GRB14: variants seen among roughly 807,000 people sequenced by gnomAD.
GRB14 encodes the protein growth factor receptor-bound protein 14.
A neutral mutation model predicts 69.1 loss-of-function variants in GRB14; 38 were observed. The observed-to-expected ratio is 0.55, with a 90% CI of 0.42 to 0.72. The LOEUF is 0.72. Ranked by LOEUF, GRB14 falls within the 30% of genes least tolerant of loss-of-function variation. GRB14 has a pLI of 0.00. For synonymous variants in GRB14, 247 were observed against 241.3 expected (o/e 1.02, Z -0.22); for missense variants, 666 against 666.1 (o/e 1.00, Z 0.00).
At chr2:164,509,038 A>G (rs1453380808) in intron 6 of GRB14, among the ~76,000 whole-genome samples, 186 bp from the exon 7 acceptor site, 3 of 152,034 alleles carry the variant, frequency 2.0e-5, no homozygotes, top group Non-Finnish European at 2.9e-5. Context: ...GCTGGATACA[A>G]TTTTATTTAA....
At chr2:164,589,964 G>A (rs1442330347) in intron 2 of GRB14, among the ~76,000 whole-genome samples, 1 of 152,074 alleles carries the variant, frequency 6.6e-6, no homozygotes, top group African/African-American at 2.4e-5. Flanking sequence ...TCTTTACATG[G>A]TGAATGAGAG....
chr2:164,601,359 G>T (rs377059962), intron 2 of GRB14, among the ~76,000 whole-genome samples: 2 of 152,188 alleles, frequency 1.3e-5, no homozygotes, highest in East Asian at 3.9e-4. Flanking sequence ...GGTAGAGGGA[G>T]ATCAGAACAT....
chr2:164,523,044 GAGAC>G (rs760793693), intron 5 of GRB14, among the ~76,000 whole-genome samples: 1 of 152,086 alleles, frequency 6.6e-6, no homozygotes, highest in Non-Finnish European at 1.5e-5. Flanking sequence ...GAGACACCAT[GAGAC>G]AGACAGAGAG....
At chr2:164,566,995 C>G (rs2105327229) in intron 2 of GRB14, among the ~76,000 whole-genome samples, 1 of 152,178 alleles carries the variant, frequency 6.6e-6, no homozygotes, top group Non-Finnish European at 1.5e-5. Context: ...CTTAGTCAAT[C>G]TAAACTGCAA....
At chr2:164,529,560 A>C (rs1687868823) in intron 3 of GRB14, among the ~76,000 whole-genome samples, 1 of 152,136 alleles carries the variant, frequency 6.6e-6, no homozygotes, top group Non-Finnish European at 1.5e-5. Flanking sequence ...TCACCTTTGC[A>C]ACTTTCTCTA....
intron 3 of GRB14, among the ~76,000 whole-genome samples, chr2:164,529,010 A>G (rs1352973967): frequency 6.6e-6 from 1 of 152,198 alleles, no homozygotes; most frequent in Non-Finnish European, 1.5e-5. Context: ...CCTAATGTCC[A>G]TGTCCATGAA....
intron 2 of GRB14, among the ~76,000 whole-genome samples, chr2:164,618,714 C>T (rs1690368830): frequency 6.6e-6 from 1 of 152,082 alleles, no homozygotes; most frequent in Non-Finnish European, 1.5e-5. Flanking sequence ...AAGGTATTTC[C>T]TCCATTCCTA....
intron 3 of GRB14, chr2:164,539,693 T>C (rs1005353887): frequency 6.6e-6 from 1 of 152,194 alleles, no homozygotes; most frequent in Non-Finnish European, 1.5e-5. Context: ...AAGCTTATCT[T>C]GGTCACTAAA....
At chr2:164,526,166 A>G (rs1277564292) in intron 4 of GRB14, among the ~76,000 whole-genome samples, 1 of 152,122 alleles carries the variant, frequency 6.6e-6, no homozygotes, top group Non-Finnish European at 1.5e-5. Flanking sequence ...TTCTATTAAT[A>G]GGTTAAGATA....
At chr2:164,605,950 C>T (rs183885001) in intron 2 of GRB14, among the ~76,000 whole-genome samples, 1 of 152,242 alleles carries the variant, frequency 6.6e-6, no homozygotes. Flanking sequence ...ACCAGAGATA[C>T]CCAACATGCA....
At chr2:164,544,628 G>A (rs781548639) in intron 3 of GRB14, among the ~76,000 whole-genome samples, 1 of 152,186 alleles carries the variant, frequency 6.6e-6, no homozygotes. Flanking sequence ...CCTAGAAGAT[G>A]AGGCAACAAG....
chr2:164,526,928 T>C, intron 4 of GRB14, 86 bp downstream of exon 4: 1 of 888,944 alleles, frequency 1.1e-6, no homozygotes, highest in Non-Finnish European at 1.7e-6. Context: ...AATAGGACTG[T>C]ATTTTATTTA....
chr2:164,588,687 ACCT>A (rs1385744571), intron 2 of GRB14, among the ~76,000 whole-genome samples: 1 of 152,040 alleles, frequency 6.6e-6, no homozygotes, highest in East Asian at 1.9e-4. Flanking sequence ...ATTCAGGTAG[ACCT>A]CCTTATGTTG....
intron 2 of GRB14, among the ~76,000 whole-genome samples, chr2:164,608,373 A>G (rs907894134): frequency 1.3e-5 from 2 of 152,158 alleles, no homozygotes; most frequent in Admixed American, 1.3e-4. Flanking sequence ...TCCCTCTAAA[A>G]AAAAAGCAAA....
At chr2:164,565,047 A>G (rs183862368) in intron 2 of GRB14, among the ~76,000 whole-genome samples, 392 of 152,230 alleles carry the variant, frequency 2.6e-3, no homozygotes, top group Non-Finnish European at 4.5e-3. Flanking sequence ...CAAACAAAAA[A>G]TGTTAATCTG....
chr2:164,596,970 T>A (rs183605403), intron 2 of GRB14, among the ~76,000 whole-genome samples: 1 of 152,220 alleles, frequency 6.6e-6, no homozygotes, highest in Non-Finnish European at 1.5e-5. Context: ...AAAACCTTCA[T>A]TTATTTAATC....
chr2:164,585,061 G>GCC, intron 2 of GRB14, among the ~76,000 whole-genome samples: 1 of 126,228 alleles, frequency 7.9e-6, no homozygotes, highest in Middle Eastern at 6.4e-3. Context: ...TCCTGCCTCA[G>GCC]CCCCTTCATA....
At chr2:164,578,006 G>A (rs897630011) in intron 2 of GRB14, among the ~76,000 whole-genome samples, 40 of 152,100 alleles carry the variant, frequency 2.6e-4, no homozygotes, top group Non-Finnish European at 7.4e-5. Flanking sequence ...AGGTGGAGGC[G>A]GGCAGATCAC....
chr2:164,519,007 C>G (rs780597946), intron 6 of GRB14, among the ~76,000 whole-genome samples: 3 of 152,068 alleles, frequency 2.0e-5, no homozygotes, highest in Non-Finnish European at 2.9e-5. Flanking sequence ...GGGAATCACC[C>G]CTATATCATT....
Sources: allele counts gnomAD v4.1 joint callset (sites outside exome capture counted in the v4.1 genomes callset), GRCh38; gene constraint gnomAD v4.1.1; transcripts MANE v1.5; gene names NCBI Gene and HGNC (gene_info 2026-07-23, HGNC 2026-07-21).